The following SRBD1 variants were observed in gnomAD, a reference collection of about 807,000 sequenced individuals.
SRBD1 encodes S1 RNA binding domain 1.
A neutral mutation model predicts 115.3 loss-of-function variants in SRBD1; 88 were observed. The observed-to-expected ratio is 0.76, with a 90% CI of 0.64 to 0.91. The LOEUF (loss-of-function observed/expected upper bound fraction) is 0.91. Ranked by LOEUF, SRBD1 falls within the 40% of genes least tolerant of loss-of-function variation. The pLI is 0.00. For missense variants in SRBD1, 1,385 were observed against 1,177.4 expected (o/e 1.18, Z -2.58); for synonymous variants, 509 against 407.7 (o/e 1.25, Z -2.99).
At chr2:45,406,378 G>A (rs1207688623) in intron 19 of SRBD1, among the ~76,000 whole-genome samples, 1 of 152,152 alleles carries the variant, frequency 6.6e-6, no homozygotes, top group East Asian at 1.9e-4. Flanking sequence ...CAAGTAAAAG[G>A]AATTTAGAAT....
rs771174505 is a variant in SRBD1 at position 45,547,577 on chromosome 2, A to G, written c.1711T>C (p.Cys571Arg). ...ILHTDVVYLH[C>R]GQGFREAEKI... ...TCCGCCTCTCGGAAGCCTTGTCCACAATGCAAGTAAACCACATCAGTATGA... is the reference window on the plus strand; with the variant it reads ...TCCGCCTCTCGGAAGCCTTGTCCACGATGCAAGTAAACCACATCAGTATGA... Residue 571 changes from cysteine to arginine, a missense_variant, in exon 13 of 21, where the codon TGT becomes CGT. By Grantham distance (180) the Cys-to-Arg change is radical. Transcript: ENST00000263736. 6.2e-7 allele frequency: 1 copy of G among 1,613,786 alleles called. No individual in the cohort carries two copies. The highest frequency in any genetic ancestry group is 8.5e-7 in the Non-Finnish European group (1 of 1,179,758).
chr2:45,414,681 T>C lies in SRBD1; in HGVS notation c.2334-1388A>G, dbSNP rs572716471. On this transcript the variant is annotated intron_variant, in intron 18 of 20. Transcript: ENST00000263736. ...ATACACACATAGTGTATATAGTATGTATATACACACACACATAGTGTGTAT... is the reference window on the plus strand; with the variant it reads ...ATACACACATAGTGTATATAGTATGCATATACACACACACATAGTGTGTAT... Among the ~76,000 whole-genome samples, 67 of 149,002 alleles carry C rather than the reference T, an allele frequency of 4.5e-4. 2 individuals are homozygous for C. The highest frequency in any genetic ancestry group is 1.3e-3 in the African/African-American group (51 of 39,960).
chr2:45,448,881 CAA>C (rs1668906892), intron 16 of SRBD1, among the ~76,000 whole-genome samples: 1 of 152,098 alleles, frequency 6.6e-6, no homozygotes, highest in African/African-American at 2.4e-5. Context: ...CACAAATGCA[CAA>C]AGAGAAGAAG....
chr2:45,497,012 G>C (rs868212849), intron 14 of SRBD1, among the ~76,000 whole-genome samples: 1 of 152,236 alleles, frequency 6.6e-6, no homozygotes, highest in African/African-American at 2.4e-5. Flanking sequence ...AGAATGAGTT[G>C]CTCAGTTCAG....
chr2:45,607,157 T>C (rs910048429), intron 1 of SRBD1, among the ~76,000 whole-genome samples: 1 of 152,202 alleles, frequency 6.6e-6, no homozygotes, highest in Non-Finnish European at 1.5e-5. Flanking sequence ...CTTTCTCAAA[T>C]TAGTATTTTT....
intron 3 of SRBD1, 26 bp from the exon 4 acceptor site, chr2:45,599,861 G>A (rs1375629079): frequency 1.9e-6 from 3 of 1,577,228 alleles, no homozygotes; most frequent in Non-Finnish European, 2.6e-6. Context: ...GAGAACATAT[G>A]AGAATTAGAA....
intron 16 of SRBD1, among the ~76,000 whole-genome samples, chr2:45,474,548 TGGA>T (rs993468467): frequency 6.6e-6 from 1 of 152,208 alleles, no homozygotes; most frequent in African/African-American, 2.4e-5. Context: ...CACAGTATAC[TGGA>T]GGAGGAGGTC....
At chr2:45,413,042 C>A in intron 19 of SRBD1, 72 bp downstream of exon 19, 1 of 1,500,200 alleles carries the variant, frequency 6.7e-7, no homozygotes, top group Non-Finnish European at 8.9e-7. Flanking sequence ...TCCATTATGC[C>A]AAAACAAAGG....
intron 10 of SRBD1, among the ~76,000 whole-genome samples, chr2:45,557,640 C>T (rs1209846801): frequency 6.6e-6 from 1 of 152,042 alleles, no homozygotes. Flanking sequence ...CCTTTTTGCT[C>T]CTTACACCAA....
chr2:45,553,663 A>G lies in SRBD1; in HGVS notation c.1477T>C (p.Phe493Leu). 6.2e-7 allele frequency: 1 copy of G among 1,607,536 alleles called. No homozygotes were observed. Among genetic ancestry groups the G allele is most frequent in the South Asian group, 1.1e-5 (1 of 89,716 alleles). The stretch of plus-strand genomic sequence containing the variant: ...AGAAGAGGATAAATAAGGCGTTTAA[A>G]GGAATCATTCAGTGAATTATATAAG... ...KILYNSLNDS[F>L]KRLIYPLLCR... is the part of the protein sequence containing the mutation. The change falls in exon 11 of 21, where the codon TTT becomes CTT. Residue 493 changes from phenylalanine (F) to leucine (L), a missense_variant. Physicochemically the swap from Phe to Leu is conservative, Grantham distance 22 (BLOSUM62 0). Coordinates refer to ENST00000263736, the MANE Select transcript of SRBD1 (RefSeq NM_018079.5).
chr2:45,396,127 G>GA (rs977264123), intron 19 of SRBD1, among the ~76,000 whole-genome samples: 19 of 148,188 alleles, frequency 1.3e-4, no homozygotes, highest in South Asian at 2.1e-4. Context: ...ATATCATACA[G>GA]AAAAAAAAAA....
At chr2:45,455,937 T>C (rs1384636777) in intron 16 of SRBD1, among the ~76,000 whole-genome samples, 3 of 151,806 alleles carry the variant, frequency 2.0e-5, no homozygotes, top group African/African-American at 2.4e-5. Flanking sequence ...AACTGTAACA[T>C]TGCCACCATC....
chr2:45,393,022 C>G lies in SRBD1; in HGVS notation c.2621G>C (p.Arg874Thr), dbSNP rs201615703. 23 of 1,613,946 alleles carry G rather than the reference C, an allele frequency of 1.4e-5. No individual in the cohort carries two copies. The highest frequency in any genetic ancestry group is 8.3e-5 in the Admixed American group (5 of 59,996). The change falls in exon 20 of 21, where the codon AGA (arginine) becomes ACA (threonine). Residue 874 changes from arginine to threonine, a missense_variant. Physicochemically the swap from Arg to Thr is moderately conservative, Grantham distance 71. Coordinates refer to ENST00000263736, the MANE Select transcript of SRBD1 (RefSeq NM_018079.5). ...TAAGGTGTGTACTGTTGTTTGCAAT[C>G]TTTCTGCAATTTTCTCCATTCCTTC... ...EKEGMEKIAE[R>T]LQTTVHTLQV...
chr2:45,440,533 G>A (rs1053954459), intron 16 of SRBD1, among the ~76,000 whole-genome samples: 1 of 152,130 alleles, frequency 6.6e-6, no homozygotes, highest in African/African-American at 2.4e-5. Flanking sequence ...GTGGTCACTG[G>A]GCTAAAACAT....
chr2:45,446,729 AAAAACAAAAACACCCC>A (rs1668835667), intron 16 of SRBD1, among the ~76,000 whole-genome samples: 1 of 151,992 alleles, frequency 6.6e-6, no homozygotes, highest in African/African-American at 2.4e-5. Flanking sequence ...ACACCTACAA[AAAAACAAAAACACCCC>A]AAACTTCCAA....
chr2:45,545,315 A>AAAAAAAAAAAAAC lies in SRBD1; in HGVS notation c.1874+1416_1874+1417insGTTTTTTTTTTTT, dbSNP rs1209226372. 1.1e-4 allele frequency among the ~76,000 whole-genome samples: 13 copies of AAAAAAAAAAAAAC among 123,616 alleles called. 1 individual carries two copies. Among genetic ancestry groups the AAAAAAAAAAAAAC allele is most frequent in the East Asian group, 7.5e-4 (3 of 3,982 alleles). The allele number at this position is 123,616 out of a possible 152,430, so 81.1% of individuals were successfully genotyped here. On this transcript the variant is annotated intron_variant, in intron 14 of 20. Coordinates refer to ENST00000263736, the MANE Select transcript of SRBD1 (RefSeq NM_018079.5). ...AAAAAAAAAAAAAAAAAAAAAAAAA[A>AAAAAAAAAAAAAC]CAGATGAACCCAGATTTGTCTGACC... is the stretch of plus-strand genomic sequence containing the variant.
chr2:45,604,231 C>T (rs1674191317), intron 2 of SRBD1, among the ~76,000 whole-genome samples: 1 of 151,930 alleles, frequency 6.6e-6, no homozygotes, highest in Non-Finnish European at 1.5e-5. Flanking sequence ...GGTCATGTAA[C>T]ATCCCAACCC....
intron 4 of SRBD1, 84 bp from the exon 5 acceptor site, chr2:45,585,858 A>T (rs1673504911): frequency 1.7e-6 from 2 of 1,150,678 alleles, no homozygotes; most frequent in African/African-American, 1.6e-5. Flanking sequence ...AGTATCAAAT[A>T]ATGTTCTCCA....
intron 14 of SRBD1, among the ~76,000 whole-genome samples, chr2:45,545,311 A>AAAAAAAAAAAC (rs1558468100): frequency 1.4e-5 from 2 of 143,708 alleles, no homozygotes; most frequent in African/African-American, 5.3e-5. Flanking sequence ...AAAAAAAAAA[A>AAAAAAAAAAAC]AAAACAGATG....
Sources: gnomAD v4.1 joint callset for allele counts (sites outside exome capture counted in the v4.1 genomes callset) on GRCh38, gnomAD v4.1.1 for gene constraint, MANE v1.5 for transcripts, NCBI Gene and HGNC (gene_info 2026-07-23, HGNC 2026-07-21) for gene names.